The following RGS6 variants were observed in gnomAD, a reference collection of about 807,000 sequenced individuals.
RGS6 encodes the protein regulator of G-protein signaling 6.
Under a neutral mutation model 78.5 loss-of-function variants are expected in RGS6, and 30 were observed. That is an observed-to-expected ratio of 0.38 (90% confidence interval 0.29 to 0.52). RGS6 has a LOEUF of 0.52. Among genes scored for constraint, RGS6 ranks in the 20% least tolerant of loss-of-function variants. The probability of loss-of-function intolerance (pLI) is 0.85; values close to 1 mark genes in which losing one functional copy is unlikely to be tolerated. For missense variants in RGS6, 495 were observed against 609.7 expected (o/e 0.81, Z 1.98); for synonymous variants, 206 against 206.0 (o/e 1.00, Z 0.00).
chr14:72,423,456 T>A (rs1422115026), intron 3 of RGS6, among the ~76,000 whole-genome samples: 2 of 151,824 alleles, frequency 1.3e-5, no homozygotes, highest in African/African-American at 2.4e-5. Context: ...TAAAAAAAAA[T>A]GTGGTACACA....
chr14:72,355,166 A>G (rs2079982003), intron 3 of RGS6, among the ~76,000 whole-genome samples: 1 of 150,580 alleles, frequency 6.6e-6, no homozygotes, highest in South Asian at 2.1e-4. Context: ...TGTAATTTCA[A>G]TTATTTTTTA....
chr14:72,121,779 C>A (rs533119543), intron 2 of RGS6, among the ~76,000 whole-genome samples: 7 of 152,268 alleles, frequency 4.6e-5, no homozygotes, highest in African/African-American at 1.7e-4. Flanking sequence ...CAGATTCTTG[C>A]AGTCTCCTGA....
At chr14:71,896,980 G>A in the RGS6 span, among the ~76,000 whole-genome samples, 1 of 152,166 alleles carries the variant, frequency 6.6e-6, no homozygotes, top group Admixed American at 6.5e-5. Flanking sequence ...AGGTAAGCTT[G>A]CTACCATCTC....
At chr14:72,560,048 T>G (rs1483074605) in intron 17 of RGS6, among the ~76,000 whole-genome samples, 1 of 152,122 alleles carries the variant, frequency 6.6e-6, no homozygotes, top group African/African-American at 2.4e-5. Flanking sequence ...CTCACCTCCT[T>G]TGTCTCTGGG....
At chr14:72,088,748 G>A (rs2095153404) in intron 2 of RGS6, among the ~76,000 whole-genome samples, 1 of 152,114 alleles carries the variant, frequency 6.6e-6, no homozygotes, top group Admixed American at 6.6e-5. Context: ...GCAGTAGGGG[G>A]CTCTCCATGC....
intron 2 of RGS6, among the ~76,000 whole-genome samples, chr14:71,983,518 G>T (rs2094552929): frequency 6.6e-6 from 1 of 152,188 alleles, no homozygotes; most frequent in African/African-American, 2.4e-5. Flanking sequence ...ACTGGGCAGG[G>T]CTACGCTCCA....
chr14:72,606,118 T>G, the RGS6 span, among the ~76,000 whole-genome samples: 2 of 151,738 alleles, frequency 1.3e-5, no homozygotes, highest in Admixed American at 1.3e-4. Flanking sequence ...TCTAGAACAA[T>G]GTAAACCTCT....
chr14:72,021,650 T>G (rs1240011340), intron 2 of RGS6, among the ~76,000 whole-genome samples: 2 of 151,802 alleles, frequency 1.3e-5, no homozygotes, highest in Non-Finnish European at 2.9e-5. Context: ...TTTTTGTATT[T>G]TTATAGAGAC....
intron 2 of RGS6, among the ~76,000 whole-genome samples, chr14:71,995,123 C>T (rs1257798366): frequency 6.6e-6 from 1 of 152,176 alleles, no homozygotes; most frequent in African/African-American, 2.4e-5. Context: ...CAAAACTGAA[C>T]ATCTTTCCTC....
intron 2 of RGS6, among the ~76,000 whole-genome samples, chr14:72,336,004 G>A (rs933072926): frequency 2.0e-5 from 3 of 152,120 alleles, no homozygotes; most frequent in African/African-American, 7.2e-5. Context: ...GCAGATGAAG[G>A]AACTCCACCT....
At chr14:72,169,688 A>G (rs2096982824) in intron 2 of RGS6, among the ~76,000 whole-genome samples, 1 of 152,192 alleles carries the variant, frequency 6.6e-6, no homozygotes, top group Non-Finnish European at 1.5e-5. Flanking sequence ...ATTTCCCAGC[A>G]TCCCTTACAG....
chr14:71,977,712 G>A (rs1161818559), intron 2 of RGS6, among the ~76,000 whole-genome samples: 2 of 151,504 alleles, frequency 1.3e-5, no homozygotes, highest in Non-Finnish European at 3.0e-5. Flanking sequence ...CTCCAGCTTC[G>A]TTCTTTTGGC....
At chr14:72,131,168 A>G (rs1387458977) in intron 2 of RGS6, among the ~76,000 whole-genome samples, 3 of 152,098 alleles carry the variant, frequency 2.0e-5, no homozygotes, top group South Asian at 2.1e-4. Context: ...CCCTAACTCA[A>G]TCATCTTATT....
the RGS6 span, among the ~76,000 whole-genome samples, chr14:71,888,956 T>G: frequency 2.6e-5 from 4 of 152,218 alleles, no homozygotes; most frequent in Non-Finnish European, 5.9e-5. Flanking sequence ...AGGGTGTCTC[T>G]TAACTATAGC....
intron 2 of RGS6, among the ~76,000 whole-genome samples, chr14:72,225,991 G>T (rs2048038088): frequency 6.6e-6 from 1 of 152,076 alleles, no homozygotes; most frequent in African/African-American, 2.4e-5. Flanking sequence ...GGTTAATTTT[G>T]GAGTCTCTGA....
At chr14:72,300,274 A>G (rs895328972) in intron 2 of RGS6, among the ~76,000 whole-genome samples, 7 of 152,180 alleles carry the variant, frequency 4.6e-5, no homozygotes, top group African/African-American at 1.7e-4. Flanking sequence ...AATAGGTTAC[A>G]CTATACCCAA....
At chr14:72,444,549 C>T (rs1335323219) in intron 3 of RGS6, among the ~76,000 whole-genome samples, 4 of 152,168 alleles carry the variant, frequency 2.6e-5, no homozygotes, top group African/African-American at 9.7e-5. Flanking sequence ...TAGATGAGCC[C>T]ATCCTTTCTC....
intron 3 of RGS6, among the ~76,000 whole-genome samples, chr14:72,424,592 T>C (rs1349292746): frequency 1.3e-5 from 2 of 152,226 alleles, no homozygotes; most frequent in Non-Finnish European, 1.5e-5. Context: ...ATCATATCTG[T>C]ATTAACTTCC....
chr14:72,489,453 G>A (rs1260507147), intron 12 of RGS6, among the ~76,000 whole-genome samples: 1 of 152,194 alleles, frequency 6.6e-6, no homozygotes, highest in African/African-American at 2.4e-5. Context: ...TAGGTCCTAG[G>A]CCTTACCTGT....
Sources: gnomAD v4.1 joint callset for allele counts (sites outside exome capture counted in the v4.1 genomes callset) on GRCh38, gnomAD v4.1.1 for gene constraint, MANE v1.5 for transcripts, NCBI Gene and HGNC (gene_info 2026-07-23, HGNC 2026-07-21) for gene names.